DSE: variants seen among roughly 807,000 people sequenced by gnomAD.
The protein encoded by DSE is dermatan-sulfate epimerase.
Under a neutral mutation model 84.4 loss-of-function variants are expected in DSE, and 36 were observed. That is an observed-to-expected ratio of 0.43 (90% confidence interval 0.33 to 0.56). DSE has a LOEUF of 0.56. DSE is among the 20% of genes least tolerant of loss of function. DSE has a pLI of 0.06. For missense variants in DSE, 862 were observed against 1,169.6 expected, an observed-to-expected ratio of 0.74 and a Z score of 3.84; for synonymous variants, 410 against 430.1, an observed-to-expected ratio of 0.95 and a Z score of 0.58.
chr6:116,392,989 T>TG (rs1398108569), intron 1 of DSE, among the ~76,000 whole-genome samples: 4 of 152,160 alleles, frequency 2.6e-5, no homozygotes, highest in African/African-American at 9.7e-5. Context: ...CTATCCGCCT[T>TG]GCAGTGGCAG....
chr6:116,352,803 G>A (rs532451466), intron 2 of DSE, among the ~76,000 whole-genome samples: 10 of 152,154 alleles, frequency 6.6e-5, no homozygotes, highest in African/African-American at 1.7e-4. Flanking sequence ...GCAAGCTCTG[G>A]GTGGGCAAAA....
At chr6:116,406,318 A>G (rs1781928089) in intron 2 of DSE, among the ~76,000 whole-genome samples, 1 of 152,220 alleles carries the variant, frequency 6.6e-6, no homozygotes, top group Non-Finnish European at 1.5e-5. Context: ...CCCCATATGA[A>G]CAAAGGCAAC....
At chr6:116,270,053 AATAG>A (rs1490776272) in intron 2 of DSE, among the ~76,000 whole-genome samples, 1 of 152,168 alleles carries the variant, frequency 6.6e-6, no homozygotes, top group Non-Finnish European at 1.5e-5. Flanking sequence ...AATACAAATA[AATAG>A]AGAGTAAAAA....
intron 2 of DSE, among the ~76,000 whole-genome samples, chr6:116,409,260 T>C (rs764803797): frequency 2.6e-5 from 4 of 152,160 alleles, no homozygotes; most frequent in Non-Finnish European, 5.9e-5. Context: ...TTATATAAGT[T>C]TACTGTATTT....
At chr6:116,286,867 C>G (rs1399351789) in intron 2 of DSE, among the ~76,000 whole-genome samples, 1 of 152,068 alleles carries the variant, frequency 6.6e-6, no homozygotes, top group Non-Finnish European at 1.5e-5. Context: ...CCCCTTGGTA[C>G]ATGTTACTGT....
chr6:116,343,034 G>C (rs772995953), intron 2 of DSE, among the ~76,000 whole-genome samples: 32 of 152,196 alleles, frequency 2.1e-4, no homozygotes, highest in Non-Finnish European at 4.3e-4. Flanking sequence ...CGCCCACGGA[G>C]CCTCACTCAC....
chr6:116,295,371 G>T (rs1774597070), intron 2 of DSE, among the ~76,000 whole-genome samples: 1 of 152,034 alleles, frequency 6.6e-6, no homozygotes. Flanking sequence ...GTTCTGCTGT[G>T]GTCATCCTAT....
intron 2 of DSE, among the ~76,000 whole-genome samples, chr6:116,425,616 TTTA>T (rs778088115): frequency 0.3 from 35,051 of 118,614 alleles, 4,896 homozygotes; most frequent in African/African-American, 0.36. Flanking sequence ...TTTATTTATT[TTTA>T]TTTTATTTTA....
chr6:116,386,857 C>A (rs1356684600), intron 1 of DSE, among the ~76,000 whole-genome samples: 4 of 152,190 alleles, frequency 2.6e-5, no homozygotes, highest in Non-Finnish European at 4.4e-5. Context: ...GCTAATATAA[C>A]CCTTTCCCAT....
intron 1 of DSE, among the ~76,000 whole-genome samples, chr6:116,374,481 C>T (rs906543503): frequency 2.0e-5 from 3 of 152,142 alleles, no homozygotes; most frequent in African/African-American, 7.2e-5. Flanking sequence ...GATTTAGTGA[C>T]ATAACCCTAC....
chr6:116,363,377 TTG>T (rs58017442), intron 2 of DSE, among the ~76,000 whole-genome samples: 25 of 151,026 alleles, frequency 1.7e-4, no homozygotes, highest in East Asian at 3.9e-4. Flanking sequence ...TGTGTGTGCT[TTG>T]TGTGTGTGTG....
chr6:116,423,570 A>G (rs940597806), intron 2 of DSE, among the ~76,000 whole-genome samples: 3 of 152,262 alleles, frequency 2.0e-5, no homozygotes, highest in Non-Finnish European at 4.4e-5. Context: ...AGCACAATTC[A>G]TAAATTAATG....
chr6:116,436,503 G>C lies in DSE; in HGVS notation c.2035G>C (p.Asp679His). Residue 679 changes from aspartate (D) to histidine (H), a missense_variant, in exon 6 of 6, where the codon GAC (aspartate) becomes CAC (histidine). Coordinates refer to ENST00000644252, the MANE Select transcript of DSE (RefSeq NM_013352.4). ...IDVQSFTVHG[D>H]SQQLDVFIAT... ...TGTTCAGAGCTTCACTGTCCACGGA[G>C]ACTCTCAGCAACTGGATGTGTTCAT... 1 of 1,614,154 alleles carries C rather than the reference G, an allele frequency of 6.2e-7. No individual in the cohort carries two copies. Among genetic ancestry groups the C allele is most frequent in the Non-Finnish European group, 8.5e-7 (1 of 1,180,010 alleles).
chr6:116,360,081 T>C (rs573135650), intron 2 of DSE, among the ~76,000 whole-genome samples: 3 of 152,244 alleles, frequency 2.0e-5, no homozygotes, highest in South Asian at 4.1e-4. Flanking sequence ...GGAGTCATTA[T>C]CCTCAGCAAA....
At chr6:116,412,945 G>A (rs1036517771) in intron 2 of DSE, 6 of 151,646 alleles carry the variant, frequency 4.0e-5, no homozygotes, top group South Asian at 2.1e-4. Flanking sequence ...GAGAACATGC[G>A]GTATTGTGGT....
chr6:116,426,785 T>C lies in DSE; in HGVS notation c.628T>C (p.Cys210Arg), dbSNP rs757935372. ...CCTGCACAATCATCAGCCCACCAAC[T>C]GTATGGCTTTGCTCACGGGAAGCCT... ...QYLHNHQPTN[C>R]MALLTGSLVL... The change falls in exon 3 of 6, where the codon TGT (cysteine) becomes CGT (arginine). Residue 210 changes from cysteine (C) to arginine (R), a missense_variant. Coordinates refer to ENST00000644252, the MANE Select transcript of DSE (RefSeq NM_013352.4). 6.2e-7 allele frequency: 1 copy of C among 1,614,136 alleles called. No homozygotes were observed. The highest frequency in any genetic ancestry group is 1.7e-5 in the Admixed American group (1 of 60,028).
At chr6:116,277,012 G>C (rs1773172716) in intron 2 of DSE, 1 of 152,164 alleles carries the variant, frequency 6.6e-6, no homozygotes, top group Non-Finnish European at 1.5e-5. Context: ...ACAAGAACAA[G>C]TTGAAAACTG....
At chr6:116,325,124 T>C (rs1018332495) in intron 2 of DSE, among the ~76,000 whole-genome samples, 1 of 152,168 alleles carries the variant, frequency 6.6e-6, no homozygotes, top group Non-Finnish European at 1.5e-5. Flanking sequence ...TCATGTCTGG[T>C]GGCATCATAG....
chr6:116,278,456 A>G lies in DSE; in HGVS notation c.-54+19489A>G, dbSNP rs532902666. On this transcript the variant is annotated intron_variant, in intron 2 of 3. Transcript: ENST00000430252. ...AAGGCATACTCATTGCTGATGCCCA[A>G]GCACAGGTCCAGCAGAAGGTGGTAG... 1.4e-4 allele frequency: 229 copies of G among 1,609,558 alleles called. No homozygotes were observed. The African/African-American group carries it at 2.8e-3, about 20-fold the overall frequency.
Sources: gnomAD v4.1 joint callset for allele counts (sites outside exome capture counted in the v4.1 genomes callset) on GRCh38, gnomAD v4.1.1 for gene constraint, MANE v1.5 for transcripts, NCBI Gene and HGNC (gene_info 2026-07-23, HGNC 2026-07-21) for gene names.